Variants in RPF2 observed in about 807,000 individuals in gnomAD.
RPF2 encodes the protein ribosome production factor 2 homolog, also known as brix domain containing 1.
RPF2 carries 21 observed loss-of-function variants against 38.9 expected under a neutral mutation model. The observed-to-expected ratio is 0.54, with a 90% CI of 0.38 to 0.78. RPF2 has a LOEUF of 0.78. Ranked by LOEUF, RPF2 falls within the 30% of genes least tolerant of loss-of-function variation. RPF2 has a pLI of 0.00. For synonymous variants in RPF2, 121 were observed against 126.2 expected (o/e 0.96, Z 0.28); for missense variants, 314 against 358.1 (o/e 0.88, Z 0.99).
chr6:110,996,197 C>T lies in RPF2; in HGVS notation c.235-986C>T, dbSNP rs372568865. Among the ~76,000 whole-genome samples, 9 of 150,956 alleles carry T rather than the reference C, an allele frequency of 6.0e-5. No homozygotes were observed. In the East Asian group the frequency reaches 1.8e-3, roughly 30 times the overall value. On this transcript the variant is annotated intron_variant, in intron 4 of 9. Transcript: ENST00000441448. Reference sequence around the variant, plus strand: ...GAGTGCAGTGGTCTTGTTGCCCAGACTGGTATGCAATGCTTTTGTTGCCCA... The same window carrying T: ...GAGTGCAGTGGTCTTGTTGCCCAGATTGGTATGCAATGCTTTTGTTGCCCA...
intron 4 of RPF2, among the ~76,000 whole-genome samples, chr6:110,994,703 C>G (rs961077216): frequency 7.5e-6 from 1 of 132,752 alleles, no homozygotes; most frequent in Non-Finnish European, 1.5e-5. Flanking sequence ...AAATAAAAAG[C>G]AGACTTTGTG....
At chr6:111,007,393 AT>A (rs896253528) in intron 6 of RPF2, among the ~76,000 whole-genome samples, 6 of 150,290 alleles carry the variant, frequency 4.0e-5, no homozygotes, top group Non-Finnish European at 7.4e-5. Flanking sequence ...GGAACAAATA[AT>A]TTTTTTTTTA....
intron 6 of RPF2, among the ~76,000 whole-genome samples, chr6:111,000,217 T>C (rs536527475): frequency 6.6e-6 from 1 of 152,248 alleles, no homozygotes; most frequent in Non-Finnish European, 1.5e-5. Flanking sequence ...GCAATTCTCC[T>C]ACCTCAACCC....
intron 7 of RPF2, among the ~76,000 whole-genome samples, chr6:111,008,410 C>CT (rs1213348194): frequency 1.2e-4 from 18 of 144,792 alleles, no homozygotes; most frequent in Non-Finnish European, 1.2e-4. Context: ...GGACCTTTCT[C>CT]TTTTTTTTTT....
intron 4 of RPF2, among the ~76,000 whole-genome samples, chr6:110,992,114 C>T (rs1160521460): frequency 2.6e-5 from 4 of 151,904 alleles, no homozygotes; most frequent in Non-Finnish European, 5.9e-5. Flanking sequence ...CAAGACCAGC[C>T]TGACCAACAT....
rs190495272 is a variant in RPF2, at chr6:110,984,712, T to C, written c.24-294T>C. ...AAAATTACCCAGGCGTGGTGGTGTG[T>C]GCCTGTAATTCTAGCTACTCGGGAG... On this transcript the variant is annotated intron_variant, in intron 1 of 9. Coordinates refer to ENST00000441448, the MANE Select transcript of RPF2 (RefSeq NM_032194.3). Among the ~76,000 whole-genome samples, 4 of 152,134 alleles carry C rather than the reference T, an allele frequency of 2.6e-5. No individual in the cohort carries two copies. The East Asian group carries it at 7.7e-4, about 29-fold the overall frequency.
chr6:110,984,562 C>T (rs993471129), intron 1 of RPF2, among the ~76,000 whole-genome samples: 39 of 151,986 alleles, frequency 2.6e-4, no homozygotes, highest in Middle Eastern at 3.4e-3. Context: ...AGATTTTGGC[C>T]GGCCCTTGTG....
At chr6:111,019,917 C>CT (rs763096502) in intron 8 of RPF2, among the ~76,000 whole-genome samples, 20 of 149,026 alleles carry the variant, frequency 1.3e-4, no homozygotes, top group East Asian at 8.2e-4. Flanking sequence ...TCTTTTCTTT[C>CT]TTTTGTTTTT....
At chr6:111,003,600 A>G (rs1296331025) in intron 6 of RPF2, among the ~76,000 whole-genome samples, 1 of 152,130 alleles carries the variant, frequency 6.6e-6, no homozygotes, top group African/African-American at 2.4e-5. Flanking sequence ...ACGTCAAAGG[A>G]TGATTATATT....
intron 6 of RPF2, among the ~76,000 whole-genome samples, chr6:111,000,647 A>G (rs1318598382): frequency 6.6e-6 from 1 of 152,210 alleles, no homozygotes; most frequent in Non-Finnish European, 1.5e-5. Context: ...CCTGGGTACA[A>G]ATTGGGCTTC....
chr6:110,994,734 T>TATATATATATATACACACACAC (rs1436106936), intron 4 of RPF2, among the ~76,000 whole-genome samples: 1 of 134,066 alleles, frequency 7.5e-6, no homozygotes, highest in African/African-American at 3.2e-5. Context: ...TGAGTATATA[T>TATATATATATATACACACACAC]ACACACACAC....
chr6:110,991,792 TATA>T lies in RPF2; in HGVS notation c.234+12_234+14del, dbSNP rs754840119. On this transcript the variant is annotated splice_region_variant and intron_variant, in intron 4 of 9. Coordinates refer to ENST00000441448, the MANE Select transcript of RPF2 (RefSeq NM_032194.3). ...TTGAGGATCAGACATCACTGGTAAG[TATA>T]ATAATCTTTATGATTTAAGAAAGCA... 5.2e-5 allele frequency: 59 copies of T among 1,131,520 alleles called. No individual in the cohort carries two copies. The highest frequency in any genetic ancestry group is 5.1e-4 in the African/African-American group (32 of 63,000). 70.1% of individuals were successfully genotyped at this position (1,131,520 alleles called of 1,614,324 possible).
At chr6:110,999,652 G>A in intron 5 of RPF2, 59 bp from the exon 6 acceptor site, 1 of 1,032,730 alleles carries the variant, frequency 9.7e-7, no homozygotes, top group Admixed American at 1.7e-5. Context: ...GCTCTTGTGG[G>A]TATATGTAAG....
At chr6:110,984,913 A>G in intron 1 of RPF2, 93 bp from the exon 2 acceptor site, 8 of 1,323,720 alleles carry the variant, frequency 6.0e-6, no homozygotes, top group Non-Finnish European at 8.3e-6. Context: ...TAAGTGACAA[A>G]TATGTTTTTA....
rs983213125 is a variant in RPF2 at position 111,024,432 on chromosome 6, G to A, written c.741+105G>A. 1.7e-5 allele frequency: 19 copies of A among 1,139,854 alleles called. No individual in the cohort carries two copies. In the African/African-American group the frequency reaches 2.5e-4, roughly 15 times the overall value. 70.6% of individuals were successfully genotyped at this position (1,139,854 alleles called of 1,614,324 possible). On this transcript the variant is annotated intron_variant, in intron 9 of 9. Transcript: ENST00000441448. ...CATATTATATTAAAAGACAAGGACA[G>A]GCCAGGCGCGGTGGCTCACGCCTGT...
chr6:111,013,349 G>A (rs1772051838), intron 7 of RPF2, among the ~76,000 whole-genome samples: 2 of 152,078 alleles, frequency 1.3e-5, no homozygotes, highest in South Asian at 4.1e-4. Context: ...ATATCATGCT[G>A]TTAGACATAT....
At chr6:111,019,610 G>A (rs1013179989) in intron 8 of RPF2, among the ~76,000 whole-genome samples, 18 of 151,940 alleles carry the variant, frequency 1.2e-4, no homozygotes, top group Non-Finnish European at 2.1e-4. Flanking sequence ...GGTGGTAGGC[G>A]CCTGTAATCC....
At chr6:111,012,915 T>C (rs1273834205) in intron 7 of RPF2, among the ~76,000 whole-genome samples, 1 of 152,112 alleles carries the variant, frequency 6.6e-6, no homozygotes, top group Non-Finnish European at 1.5e-5. Context: ...GGTGATCCAC[T>C]CATCTTGGCC....
chr6:110,988,145 G>A (rs1771555170), intron 2 of RPF2, among the ~76,000 whole-genome samples: 1 of 152,112 alleles, frequency 6.6e-6, no homozygotes, highest in South Asian at 2.1e-4. Context: ...TCAGGCTGCA[G>A]TAAGCTTTAA....
Sources: gnomAD v4.1 joint callset for allele counts (sites outside exome capture counted in the v4.1 genomes callset) on GRCh38, gnomAD v4.1.1 for gene constraint, MANE v1.5 for transcripts, NCBI Gene and HGNC (gene_info 2026-07-23, HGNC 2026-07-21) for gene names.